Variants in MICAL3 observed in about 807,000 individuals in gnomAD.
MICAL3 encodes the protein microtubule associated monooxygenase, calponin and LIM domain containing 3.
In MICAL3, 62 loss-of-function variants were observed where a neutral mutation model predicts 207.4. That is an observed-to-expected ratio of 0.30 (90% CI 0.24 to 0.37). The LOEUF (loss-of-function observed/expected upper bound fraction) is 0.37. Among genes scored for constraint, MICAL3 ranks in the 10% least tolerant of loss-of-function variants. The probability of loss-of-function intolerance (pLI) is 1.00; values close to 1 mark genes in which losing one functional copy is unlikely to be tolerated. For synonymous variants in MICAL3, 1,077 were observed against 1,069.3 expected, an observed-to-expected ratio of 1.01 and a Z score of -0.14; for missense variants, 2,368 against 2,635.6, an observed-to-expected ratio of 0.90 and a Z score of 2.22.
In MICAL3 at chr22:17,822,039, G is replaced by A. The variant is rs781546595; in HGVS notation, c.3439C>T (p.Gln1147Ter). ...TCAAAGACAGGCTCACCTCTCTCTT[G>A]GTGCTTCGGTGAGGCGGGCAGCTTC... The part of the protein sequence containing the change: ...EEKLPASPKH[Q>*]ERGPSQATSP... The change falls in exon 24 of 32, where the codon CAA becomes TAA. Residue 1147 changes from glutamine to a stop codon, truncating the protein, a stop_gained. Coordinates refer to ENST00000441493, the MANE Select transcript of MICAL3 (RefSeq NM_015241.3). LOFTEE classifies it high-confidence loss of function. 6.2e-7 allele frequency: 1 copy of A among 1,613,762 alleles called. No homozygotes were observed. Among genetic ancestry groups the A allele is most frequent in the South Asian group, 1.1e-5 (1 of 91,070 alleles).
intron 19 of MICAL3, among the ~76,000 whole-genome samples, chr22:17,853,349 C>T (rs1925538952): frequency 6.6e-6 from 1 of 152,206 alleles, no homozygotes; most frequent in African/African-American, 2.4e-5. Flanking sequence ...ACCTCTTCTG[C>T]TTCCCCCAGC....
intron 24 of MICAL3, 50 bp downstream of exon 24, chr22:17,821,980 G>A: frequency 6.3e-7 from 1 of 1,597,530 alleles, no homozygotes. Context: ...TGTGCATATG[G>A]CCCTCGTAGG....
At chr22:17,905,133 T>C (rs566076159) in intron 2 of MICAL3, among the ~76,000 whole-genome samples, 1 of 152,350 alleles carries the variant, frequency 6.6e-6, no homozygotes, top group East Asian at 1.9e-4. Context: ...CATATTTAAG[T>C]GGCCATCATC....
chr22:17,895,344 G>A lies in MICAL3; in HGVS notation c.1389C>T (p.Tyr463=), dbSNP rs1930736218. ...PENVSKNFSQ[Y]SIDPVTRYPN... is the part of the protein sequence containing the mutation. ...GATACCGAGTGACAGGGTCGATACT[G>A]TACTGGCTGAAGTTCTTACTCACAT... The change falls in exon 10 of 32, where the codon TAC becomes TAT. Residue 463 remains tyrosine, a synonymous_variant. Transcript: ENST00000441493. 1 of 1,613,672 alleles carries A rather than the reference G, an allele frequency of 6.2e-7. No individual in the cohort carries two copies. The highest frequency in any genetic ancestry group is 1.7e-5 in the Admixed American group (1 of 59,994).
In MICAL3 at chr22:17,819,087, A is replaced by G. The variant is rs182982328; in HGVS notation, c.3574T>C (p.Ser1192Pro). 2 of 1,523,940 alleles carry G rather than the reference A, an allele frequency of 1.3e-6. No homozygotes were observed. Among genetic ancestry groups the G allele is most frequent in the East Asian group, 2.3e-5 (1 of 43,460 alleles). 94.4% of individuals were successfully genotyped at this position (1,523,940 alleles called of 1,614,324 possible). The change falls in exon 26 of 32, where the codon TCA (serine) becomes CCA (proline). Residue 1192 changes from serine (S) to proline (P), a missense_variant. By Grantham distance (74) the Ser-to-Pro change is moderately conservative. Around this residue, in one of 4 missense-constraint regions of MICAL3, gnomAD observed 1,770 missense variants for 1,863.2 expected, o/e 0.95. Transcript: ENST00000441493. ...PPVPAATQEK[S>P]PEERLFPEPL... is the part of the protein sequence containing the mutation. The stretch of plus-strand genomic sequence containing the variant: ...TCAGGGAAAAGGCGCTCCTCAGGTG[A>G]TTTCTCCTGGGTGGCGGCAGGGACA...
chr22:17,899,593 A>G, intron 6 of MICAL3, 45 bp from the exon 7 acceptor site: 1 of 1,271,350 alleles, frequency 7.9e-7, no homozygotes, highest in South Asian at 1.3e-5. Flanking sequence ...TGCTGAGATG[A>G]AGGTGCATCA....
chr22:17,827,745 G>A lies in MICAL3; in HGVS notation c.3092C>T (p.Ala1031Val), dbSNP rs566915282. ...GTCAGCCTGGATCTCCAGAGGATCC[G>A]CCGCGTGCATGACCTGCTGGAGCCT... Reference protein sequence around the residue: ...NQRLQQVMHAADPLEIQADVH... With the variant: ...NQRLQQVMHAVDPLEIQADVH... Residue 1031 changes from alanine (A) to valine (V), a missense_variant, in exon 22 of 32, where the codon GCG becomes GTG. Ala to Val is a moderately conservative substitution (Grantham distance 64, BLOSUM62 0). Coordinates refer to ENST00000441493, the MANE Select transcript of MICAL3 (RefSeq NM_015241.3). 8.3e-6 allele frequency: 13 copies of A among 1,559,480 alleles called. No individual in the cohort carries two copies. Among genetic ancestry groups the A allele is most frequent in the South Asian group, 4.7e-5 (4 of 84,526 alleles).
chr22:18,000,168 G>A (rs1033266479), intron 1 of MICAL3, among the ~76,000 whole-genome samples: 20 of 151,680 alleles, frequency 1.3e-4, no homozygotes, highest in Admixed American at 9.2e-4. Flanking sequence ...AGTGTCAGAT[G>A]GGACCAAATA....
At position 17,822,103 on chromosome 22, in the gene MICAL3, C is replaced by T; in HGVS notation, c.3375G>A (p.Gly1125=). The T allele has an allele frequency of 6.2e-7, 1 of 1,613,966 alleles. No homozygotes were observed. The highest frequency in any genetic ancestry group is 2.2e-5 in the East Asian group (1 of 44,880). Residue 1125 remains glycine (G), a synonymous_variant, in exon 24 of 32, where the codon GGG becomes GGA. Coordinates refer to ENST00000441493, the MANE Select transcript of MICAL3 (RefSeq NM_015241.3). ...RELRLPCPAE[G]EAELELRVSE... Reference sequence around the variant, plus strand: ...ACACCCTCAGCTCCAGCTCTGCTTCCCCCTCAGCTGGGCACGGCAAACGCA... The same window carrying T: ...ACACCCTCAGCTCCAGCTCTGCTTCTCCCTCAGCTGGGCACGGCAAACGCA...
chr22:17,965,948 C>T (rs1279526937), intron 1 of MICAL3, among the ~76,000 whole-genome samples: 3 of 152,184 alleles, frequency 2.0e-5, no homozygotes, highest in Non-Finnish European at 1.5e-5. Context: ...CGGGACCAAC[C>T]ACCGTGGGAC....
At chr22:18,021,672 G>A (rs777899504) in intron 1 of MICAL3, among the ~76,000 whole-genome samples, 45 of 152,178 alleles carry the variant, frequency 3.0e-4, no homozygotes, top group Non-Finnish European at 2.1e-4. Context: ...TAGTCAGTGC[G>A]TGGGAATGCA....
chr22:17,824,557 TGACG>T (rs1358900090), intron 22 of MICAL3, among the ~76,000 whole-genome samples: 24 of 152,244 alleles, frequency 1.6e-4, no homozygotes, highest in Non-Finnish European at 3.4e-4. Context: ...GTTTGTAAGA[TGACG>T]GTTCAAATCT....
chr22:17,927,091 T>C (rs1932958377), intron 1 of MICAL3, among the ~76,000 whole-genome samples: 1 of 152,204 alleles, frequency 6.6e-6, no homozygotes, highest in Non-Finnish European at 1.5e-5. Flanking sequence ...TGGCTCCCCA[T>C]TTCCCCTTCC....
In MICAL3 at chr22:17,896,291, C is replaced by T. The variant is rs1042452645; in HGVS notation, c.1277G>A (p.Arg426Gln). The T allele has an allele frequency of 3.2e-6, 5 of 1,560,954 alleles. No individual in the cohort carries two copies. Among genetic ancestry groups the T allele is most frequent in the Non-Finnish European group, 3.5e-6 (4 of 1,152,078 alleles). The change falls in exon 9 of 32, where the codon CGA (arginine) becomes CAA (glutamine). Residue 426 changes from arginine to glutamine, a missense_variant. Physicochemically the swap from Arg to Gln is conservative, Grantham distance 43. Around this residue, in one of 4 missense-constraint regions of MICAL3, gnomAD observed 400 missense variants for 547.0 expected, o/e 0.73. Coordinates refer to ENST00000441493, the MANE Select transcript of MICAL3 (RefSeq NM_015241.3). ...LAAMDSAWMV[R>Q]SWSLGTSPLE... ...AGGGCTCGTTCCTAGAGACCAACTT[C>T]GGACCATCCAGGCAGAGTCCATAGC...
intron 1 of MICAL3, among the ~76,000 whole-genome samples, chr22:17,989,982 A>G (rs1266526452): frequency 1.3e-5 from 2 of 152,156 alleles, no homozygotes; most frequent in Non-Finnish European, 2.9e-5. Flanking sequence ...GAGCAGAGAC[A>G]AGGTCGTAGT....
intron 29 of MICAL3, among the ~76,000 whole-genome samples, chr22:17,800,916 C>T (rs2061930232): frequency 2.0e-5 from 3 of 152,206 alleles, no homozygotes; most frequent in South Asian, 2.1e-4. Flanking sequence ...GTCGTCCTCA[C>T]GGGCGTGGCG....
intron 1 of MICAL3, among the ~76,000 whole-genome samples, chr22:17,981,667 C>T (rs1038227351): frequency 6.6e-6 from 1 of 152,142 alleles, no homozygotes; most frequent in African/African-American, 2.4e-5. Context: ...GGAACAGATG[C>T]GCATGCACAG....
intron 22 of MICAL3, among the ~76,000 whole-genome samples, chr22:17,826,711 A>C (rs950245524): frequency 1.3e-5 from 2 of 151,930 alleles, no homozygotes; most frequent in African/African-American, 4.8e-5. Flanking sequence ...TGAGAAGAGA[A>C]GAGGGAAAAC....
intron 1 of MICAL3, among the ~76,000 whole-genome samples, chr22:17,982,702 T>TAACATAACATAACATAACATAACATAACA: frequency 6.8e-6 from 1 of 146,178 alleles, no homozygotes; most frequent in Non-Finnish European, 1.5e-5. Context: ...TAACATAACA[T>TAACATAACATAACATAACATAACATAACA]AACATAACAT....
Sources: allele counts gnomAD v4.1 joint callset (sites outside exome capture counted in the v4.1 genomes callset), GRCh38; gene constraint gnomAD v4.1.1; regional missense constraint gnomAD v4.1.1; transcripts MANE v1.5; gene names NCBI Gene and HGNC (gene_info 2026-07-23, HGNC 2026-07-21).